Variants in B4GALNT2 observed in about 807,000 individuals in gnomAD.
B4GALNT2 encodes the protein N-acetylneuraminylgalactosylglucosyl-glucoside beta-1,4-N- acetylgalactosaminyltransferase 2.
A neutral mutation model predicts 51.1 loss-of-function variants in B4GALNT2; 42 were observed. The ratio of observed to expected loss-of-function variants is 0.82; its 90% CI spans 0.64 to 1.06. The LOEUF is 1.06. B4GALNT2 is among the 50% of genes least tolerant of loss of function. The pLI is 0.00. For missense variants in B4GALNT2, 602 were observed against 633.6 expected (o/e 0.95, Z 0.54); for synonymous variants, 253 against 251.7 (o/e 1.01, Z -0.05).
chr17:49,128,958 T>G (rs897772983), upstream of B4GALNT2, among the ~76,000 whole-genome samples: 2 of 152,144 alleles, frequency 1.3e-5, no homozygotes, highest in African/African-American at 2.4e-5. Flanking sequence ...GATGGTCAAG[T>G]TGAGAAGAAA....
chr17:49,169,823 C>G lies in B4GALNT2; in HGVS notation c.*95C>G. On this transcript the variant is annotated 3_prime_UTR_variant, in exon 11 of 11. Transcript: ENST00000393354. Reference sequence around the variant, plus strand: ...GACTCCTGATAGGTGAACGTTGTACCAAACCAGCTGGTGGGTAGGGAAAAG... The same window carrying G: ...GACTCCTGATAGGTGAACGTTGTACGAAACCAGCTGGTGGGTAGGGAAAAG... The G allele has an allele frequency of 8.2e-7, 1 of 1,214,898 alleles. No homozygotes were observed. The highest frequency in any genetic ancestry group is 1.1e-6 in the Non-Finnish European group (1 of 897,132). 75.3% of individuals were successfully genotyped at this position (1,214,898 alleles called of 1,614,324 possible). A position where few individuals can be genotyped will look rare whatever the true frequency, so the allele number is the denominator to read the frequency against.
upstream of B4GALNT2, among the ~76,000 whole-genome samples, chr17:49,129,043 C>A (rs1330971701): frequency 1.3e-5 from 2 of 152,124 alleles, no homozygotes; most frequent in Non-Finnish European, 2.9e-5. Flanking sequence ...CCTGACTGTC[C>A]CGAGTACCAT....
At chr17:49,162,592 T>C (rs1318904048) in intron 7 of B4GALNT2, among the ~76,000 whole-genome samples, 1 of 152,088 alleles carries the variant, frequency 6.6e-6, no homozygotes, top group African/African-American at 2.4e-5. Context: ...ATTTGTTCGA[T>C]TGCAGCGCTG....
At chr17:49,135,386 G>A (rs1414694193) in intron 1 of B4GALNT2, among the ~76,000 whole-genome samples, 2 of 143,660 alleles carry the variant, frequency 1.4e-5, no homozygotes, top group Admixed American at 7.1e-5. Flanking sequence ...TGCAACCTCC[G>A]CCTCCCAGGT....
In B4GALNT2 at chr17:49,160,500, G is replaced by A. The variant is rs907462471; in HGVS notation, c.680-55G>A. 9 of 1,537,586 alleles carry A rather than the reference G, an allele frequency of 5.9e-6. No homozygotes were observed. In the African/African-American group the frequency reaches 1.1e-4, roughly 19 times the overall value. On this transcript the variant is annotated intron_variant, in intron 6 of 10. Transcript: ENST00000393354. ...TCATGGTGGCTTCCCGGGGTGGCAT[G>A]GAGTTTAATCCAGACATGATACTCC...
At chr17:49,161,689 A>AC (rs397738538) in intron 7 of B4GALNT2, among the ~76,000 whole-genome samples, 3 of 150,000 alleles carry the variant, frequency 2.0e-5, no homozygotes, top group South Asian at 2.1e-4. Context: ...TAGAAAAAAA[A>AC]CCTGTAGTTA....
chr17:49,153,563 G>A (rs2042779971), intron 4 of B4GALNT2, among the ~76,000 whole-genome samples: 1 of 151,402 alleles, frequency 6.6e-6, no homozygotes, highest in Non-Finnish European at 1.5e-5. Flanking sequence ...CTAGAGTGCA[G>A]TAGCATGATC....
At chr17:49,124,580 CAT>C in the B4GALNT2 span, among the ~76,000 whole-genome samples, 1 of 152,150 alleles carries the variant, frequency 6.6e-6, no homozygotes, top group Non-Finnish European at 1.5e-5. Context: ...ATACCAATAA[CAT>C]ATTTATACAA....
At chr17:49,140,245 C>T (rs1292978210) in intron 1 of B4GALNT2, among the ~76,000 whole-genome samples, 2 of 151,794 alleles carry the variant, frequency 1.3e-5, no homozygotes, top group Non-Finnish European at 2.9e-5. Context: ...GGACTACAGG[C>T]GTCCGCCACA....
At chr17:49,133,430 T>C (rs748798805) in intron 1 of B4GALNT2, among the ~76,000 whole-genome samples, 1 of 152,168 alleles carries the variant, frequency 6.6e-6, no homozygotes, top group Non-Finnish European at 1.5e-5. Context: ...TAAAGTACAT[T>C]TGAAAGTCTA....
At chr17:49,120,968 A>T in the B4GALNT2 span, among the ~76,000 whole-genome samples, 30 of 152,074 alleles carry the variant, frequency 2.0e-4, no homozygotes, top group African/African-American at 7.0e-4. Context: ...AGCAAGTGAC[A>T]CCACTTGCTT....
At chr17:49,130,635 C>T (rs1417856441), upstream of B4GALNT2, among the ~76,000 whole-genome samples, 7 of 138,354 alleles carry the variant, frequency 5.1e-5, no homozygotes, top group African/African-American at 1.6e-4. Context: ...GAGACTCCAT[C>T]TTCAAAGAAA....
chr17:49,169,617 A>T lies in B4GALNT2; in HGVS notation c.1410A>T (p.Glu470Asp). The T allele has an allele frequency of 6.2e-7, 1 of 1,613,200 alleles. No individual in the cohort carries two copies. The highest frequency in any genetic ancestry group is 8.5e-7 in the Non-Finnish European group (1 of 1,179,906). Reference sequence around the variant, plus strand: ...CTCGGTCTCCAGTGGTGGACTCAGAACTGGCTGCCCTAGAGAAGACCTACA... The same window carrying T: ...CTCGGTCTCCAGTGGTGGACTCAGATCTGGCTGCCCTAGAGAAGACCTACA... ...HQSRSPVVDS[E>D]LAALEKTYNT... Residue 470 changes from glutamate (E) to aspartate (D), a missense_variant, in exon 11 of 11, where the codon GAA (glutamate) becomes GAT (aspartate). Coordinates refer to ENST00000393354, the MANE Select transcript of B4GALNT2 (RefSeq NM_001159387.2).
intron 1 of B4GALNT2, among the ~76,000 whole-genome samples, chr17:49,134,296 C>G (rs12452190): frequency 0.78 from 119,056 of 152,238 alleles, 46,690 homozygotes; most frequent in South Asian, 0.85. Context: ...TAAACACATA[C>G]CATAGTGATA....
At chr17:49,164,353 G>A in intron 8 of B4GALNT2, 78 bp downstream of exon 8, 1 of 1,354,000 alleles carries the variant, frequency 7.4e-7, no homozygotes, top group Non-Finnish European at 1.0e-6. Flanking sequence ...CCTGGATGGG[G>A]CCGCTTCCTC....
At chr17:49,148,296 T>C in intron 3 of B4GALNT2, 1 of 336,394 alleles carries the variant, frequency 3.0e-6, no homozygotes, top group Non-Finnish European at 5.8e-6. Context: ...TGAGATCCTG[T>C]CTCGAAAAAA....
intron 4 of B4GALNT2, among the ~76,000 whole-genome samples, chr17:49,155,775 G>T (rs2042803838): frequency 6.6e-6 from 1 of 151,656 alleles, no homozygotes; most frequent in South Asian, 2.1e-4. Context: ...CCAGGCTGGA[G>T]TGCAGTGTCG....
At position 49,140,777 on chromosome 17, in the gene B4GALNT2, G is replaced by T. The variant is rs190930872; in HGVS notation, c.15-470G>T. Among the ~76,000 whole-genome samples the T allele has an allele frequency of 2.7e-3, 383 of 139,896 alleles. 4 individuals carry two copies. The highest frequency in any genetic ancestry group is 9.6e-3 in the African/African-American group (351 of 36,688). 91.8% of individuals were successfully genotyped at this position (139,896 alleles called of 152,430 possible). On this transcript the variant is annotated intron_variant, in intron 1 of 10. Transcript: ENST00000393354. ...CTCTGTCGCCAGGCTGGAGTGCAGT[G>T]GCGTGATCTTGGCTCACTGCAACCT...
chr17:49,126,850 C>T, the B4GALNT2 span, among the ~76,000 whole-genome samples: 1 of 151,958 alleles, frequency 6.6e-6, no homozygotes, highest in Non-Finnish European at 1.5e-5. Context: ...AGGTACGTGC[C>T]ACTACGCCCA....
Sources: allele counts gnomAD v4.1 joint callset (sites outside exome capture counted in the v4.1 genomes callset), GRCh38; gene constraint gnomAD v4.1.1; transcripts MANE v1.5; gene names NCBI Gene and HGNC (gene_info 2026-07-23, HGNC 2026-07-21).